The following RBFOX1 variants were observed in gnomAD, a reference collection of about 807,000 sequenced individuals.
RBFOX1 encodes the protein RNA binding protein fox-1 homolog 1.
A neutral mutation model predicts 57.7 loss-of-function variants in RBFOX1; 8 were observed. The observed-to-expected ratio is 0.14, with a 90% CI of 0.08 to 0.25. The LOEUF (loss-of-function observed/expected upper bound fraction) is 0.25. Ranked by LOEUF, RBFOX1 falls within the 10% of genes least tolerant of loss-of-function variation. The probability of loss-of-function intolerance (pLI) is 1.00; values close to 1 mark genes in which losing one functional copy is unlikely to be tolerated. For missense variants in RBFOX1, 611 were observed against 548.5 expected, an observed-to-expected ratio of 1.11 and a Z score of -1.14; for synonymous variants, 326 against 222.4, an observed-to-expected ratio of 1.47 and a Z score of -4.15.
intron 4 of RBFOX1, among the ~76,000 whole-genome samples, chr16:7,130,583 TA>T (rs1645394953): frequency 6.6e-6 from 1 of 152,080 alleles, no homozygotes; most frequent in Admixed American, 6.6e-5. Flanking sequence ...AGTGTGCAAA[TA>T]ATGTGTGTTG....
intron 3 of RBFOX1, among the ~76,000 whole-genome samples, chr16:6,670,408 T>G (rs972627509): frequency 6.6e-6 from 1 of 152,050 alleles, no homozygotes; most frequent in Non-Finnish European, 1.5e-5. Context: ...TCAGATTGAG[T>G]TTTCATGTTG....
chr16:7,691,346 A>T (rs1251985292), intron 14 of RBFOX1, among the ~76,000 whole-genome samples: 6 of 151,648 alleles, frequency 4.0e-5, no homozygotes, highest in Non-Finnish European at 5.9e-5. Context: ...AAAATAAAAT[A>T]AAAATCAATA....
chr16:5,771,645 G>A (rs544392078), intron 3 of RBFOX1, among the ~76,000 whole-genome samples: 41 of 152,154 alleles, frequency 2.7e-4, no homozygotes, highest in Non-Finnish European at 5.6e-4. Context: ...CTAGCCTCAT[G>A]TGATCCAACT....
At chr16:7,434,838 C>G (rs57063756) in intron 4 of RBFOX1, among the ~76,000 whole-genome samples, 24,017 of 151,666 alleles carry the variant, frequency 0.16, 2,533 homozygotes, top group East Asian at 0.36. Flanking sequence ...CTCCCAGACT[C>G]AAGTGATTCT....
In RBFOX1 at chr16:7,098,898, C is replaced by T. The variant is rs995425144; in HGVS notation, c.27+46800C>T. ...TTTTTGCAGTAACCCTCAGTTTCTT[C>T]ATCTTTAAAATGGGACTGTTACTAG... On this transcript the variant is annotated intron_variant, in intron 4 of 15. Transcript: ENST00000550418. Among the ~76,000 whole-genome samples, 12 of 152,192 alleles carry T rather than the reference C, an allele frequency of 7.9e-5. No homozygotes were observed. The East Asian group carries it at 1.9e-3, about 25-fold the overall frequency.
intron 1 of RBFOX1, among the ~76,000 whole-genome samples, chr16:6,200,240 G>C (rs938052887): frequency 1.3e-5 from 2 of 152,190 alleles, no homozygotes; most frequent in Non-Finnish European, 2.9e-5. Context: ...CTCAAGAACA[G>C]CCGGGATTCT....
intron 3 of RBFOX1, among the ~76,000 whole-genome samples, chr16:5,850,618 T>G (rs1223334786): frequency 6.6e-6 from 1 of 152,190 alleles, no homozygotes; most frequent in African/African-American, 2.4e-5. Flanking sequence ...CGGTGTCTTA[T>G]GTGCATGATC....
intron 4 of RBFOX1, among the ~76,000 whole-genome samples, chr16:7,078,930 G>C (rs964215961): frequency 4.2e-5 from 5 of 119,020 alleles, no homozygotes; most frequent in Admixed American, 3.4e-4. Flanking sequence ...GGCTGGTCTT[G>C]AGCTCCTGAC....
chr16:6,439,862 A>C (rs1239827394), intron 2 of RBFOX1, among the ~76,000 whole-genome samples: 1 of 152,170 alleles, frequency 6.6e-6, no homozygotes, highest in Non-Finnish European at 1.5e-5. Context: ...TGGGATGCAG[A>C]AAGCTGGGCC....
rs943783981 is a variant in RBFOX1 at position 5,946,932 on chromosome 16, G to A, written c.351+79597G>A. On this transcript the variant is annotated intron_variant, in intron 4 of 19. Coordinates refer to the RBFOX1 transcript ENST00000641259. This position sits in a 1 kb window ranked among gnomAD's most constrained non-coding sequence, Gnocchi z 4.6. ...CAGAGTTTTCTCTGTTAGAAGAAAG[G>A]CCAGAGCAGTGGCTCACAGCCGTAA... 6.6e-6 allele frequency among the ~76,000 whole-genome samples: 1 copy of A among 152,160 alleles called. No individual in the cohort carries two copies. The highest frequency in any genetic ancestry group is 1.5e-5 in the Non-Finnish European group (1 of 68,028).
chr16:5,699,296 G>C (rs2050950641), intron 3 of RBFOX1, among the ~76,000 whole-genome samples: 1 of 151,378 alleles, frequency 6.6e-6, no homozygotes, highest in African/African-American at 2.4e-5. Context: ...CTTTTAAAAA[G>C]TAAATTGAAG....
At chr16:6,354,836 G>A (rs2429646) in intron 2 of RBFOX1, among the ~76,000 whole-genome samples, 42,009 of 152,044 alleles carry the variant, frequency 0.28, 6,138 homozygotes, top group Middle Eastern at 0.37. Context: ...AACTACTGAA[G>A]GAATCAGTGA....
At chr16:6,880,190 C>A (rs935328939) in intron 3 of RBFOX1, among the ~76,000 whole-genome samples, 2 of 146,736 alleles carry the variant, frequency 1.4e-5, no homozygotes, top group Admixed American at 1.4e-4. Context: ...CTGTGTACTC[C>A]TTTAAGGTAT....
chr16:6,160,857 A>C (rs141629627), intron 1 of RBFOX1, among the ~76,000 whole-genome samples: 21 of 152,134 alleles, frequency 1.4e-4, no homozygotes, highest in African/African-American at 4.8e-4. Flanking sequence ...CTTAATCTCG[A>C]GTGTCCTTTC....
At chr16:6,665,085 C>T (rs1421827609) in intron 3 of RBFOX1, among the ~76,000 whole-genome samples, 1 of 152,200 alleles carries the variant, frequency 6.6e-6, no homozygotes, top group Non-Finnish European at 1.5e-5. Context: ...CTGTCTTCAG[C>T]ATAGCTGGAT....
intron 1 of RBFOX1, among the ~76,000 whole-genome samples, chr16:5,288,277 C>T (rs1289709364): frequency 6.6e-6 from 1 of 152,158 alleles, no homozygotes; most frequent in Non-Finnish European, 1.5e-5. Context: ...TATTTGCATA[C>T]CACAAAGAAG....
At chr16:6,747,267 G>C (rs2073898556) in intron 3 of RBFOX1, among the ~76,000 whole-genome samples, 1 of 152,074 alleles carries the variant, frequency 6.6e-6, no homozygotes, top group Non-Finnish European at 1.5e-5. Flanking sequence ...AAATTAGCCT[G>C]GCATGGTGGT....
In RBFOX1 at chr16:7,011,506, G is replaced by C. The variant is rs111337772; in HGVS notation, c.-15-40551G>C. On this transcript the variant is annotated intron_variant, in intron 3 of 15. Coordinates refer to ENST00000550418, the MANE Select transcript of RBFOX1 (RefSeq NM_018723.4). ...GTTTGTTTGTTTTTGTTGTGCGTTT[G>C]TTTTGTTTTGTTTTGTTTGTTTTTT... Among the ~76,000 whole-genome samples the C allele has an allele frequency of 8.0e-3, 1,191 of 148,588 alleles. 17 individuals are homozygous for C. The highest frequency in any genetic ancestry group is 0.029 in the African/African-American group (1,132 of 38,378).
intron 1 of RBFOX1, among the ~76,000 whole-genome samples, chr16:6,069,744 T>G (rs1213124166): frequency 6.6e-6 from 1 of 152,048 alleles, no homozygotes; most frequent in Non-Finnish European, 1.5e-5. Flanking sequence ...CCCAACACTT[T>G]GGGAGGCTGA....
Sources: allele counts gnomAD v4.1 joint callset (sites outside exome capture counted in the v4.1 genomes callset), GRCh38; gene constraint gnomAD v4.1.1; non-coding constraint Gnocchi (gnomAD v3.1); transcripts MANE v1.5; gene names NCBI Gene and HGNC (gene_info 2026-07-23, HGNC 2026-07-21).